MYLK: variants seen among roughly 807,000 people sequenced by gnomAD.
MYLK encodes myosin light chain kinase, smooth muscle.
Under a neutral mutation model 203.4 loss-of-function variants are expected in MYLK, and 106 were observed. That is an observed-to-expected ratio of 0.52 (90% CI 0.45 to 0.61). The LOEUF (loss-of-function observed/expected upper bound fraction) is 0.61. Among genes scored for constraint, MYLK ranks in the 20% least tolerant of loss-of-function variants. MYLK has a pLI of 0.00. For missense variants in MYLK, 2,072 were observed against 2,442.3 expected, an observed-to-expected ratio of 0.85 and a Z score of 3.20; for synonymous variants, 867 against 959.5, an observed-to-expected ratio of 0.90 and a Z score of 1.78.
chr3:123,732,927 C>G lies in MYLK; in HGVS notation c.1485G>C (p.Gln495His). The change falls in exon 11 of 34, where the codon CAG becomes CAC. Residue 495 changes from glutamine (Q) to histidine (H), a missense_variant. This residue lies in a region of MYLK where 683 missense variants were observed against 643.8 expected (regional missense o/e 1.06). Coordinates refer to ENST00000360304, the MANE Select transcript of MYLK (RefSeq NM_053025.4). ...CTTGGAGGGTCCAGCTACAGGACAGCTGGCCTTGGGCGTTGGAAGCAGTGC... is the reference window on the plus strand; with the variant it reads ...CTTGGAGGGTCCAGCTACAGGACAGGTGGCCTTGGGCGTTGGAAGCAGTGC... ...YSCTASNAQG[Q>H]LSCSWTLQVE... The G allele has an allele frequency of 6.2e-7, 1 of 1,614,168 alleles. No individual in the cohort carries two copies. Among genetic ancestry groups the G allele is most frequent in the South Asian group, 1.1e-5 (1 of 91,072 alleles).
intron 13 of MYLK, among the ~76,000 whole-genome samples, chr3:123,717,659 C>T (rs1019885880): frequency 2.6e-5 from 4 of 152,124 alleles, no homozygotes; most frequent in African/African-American, 9.7e-5. Flanking sequence ...TCAGTCCAAA[C>T]GCTGTGAAAT....
Position 123,638,235 on chromosome 3 carries a change from C to T in MYLK, c.4838-41G>A, listed in dbSNP as rs375744790. 59 of 1,612,580 alleles carry T rather than the reference C, an allele frequency of 3.7e-5. No individual in the cohort carries two copies. In the African/African-American group the frequency reaches 5.5e-4, roughly 15 times the overall value. ...AGAGGGATAAATTGCCAGCACATCA[C>T]GGAGCCAGCTTGAGACCAGCAGCTG... is the stretch of plus-strand genomic sequence containing the variant. On this transcript the variant is annotated intron_variant, in intron 28 of 33. Transcript: ENST00000360304.
At chr3:123,691,573 A>G (rs1282547829) in intron 19 of MYLK, 1 of 152,254 alleles carries the variant, frequency 6.6e-6, no homozygotes. Flanking sequence ...ATCATGTTCC[A>G]TAGAGCTCAG....
chr3:123,652,185 AG>A (rs2059237571), intron 24 of MYLK, among the ~76,000 whole-genome samples: 1 of 152,200 alleles, frequency 6.6e-6, no homozygotes, highest in Non-Finnish European at 1.5e-5. Context: ...AGAGAGAAGT[AG>A]AGGAAAGACC....
At chr3:123,878,985 C>T (rs1012304149) in intron 1 of MYLK, among the ~76,000 whole-genome samples, 4 of 152,200 alleles carry the variant, frequency 2.6e-5, no homozygotes, top group African/African-American at 7.2e-5. Flanking sequence ...GGTGCCCAGC[C>T]ACCACTTGGC....
At chr3:123,881,439 A>C (rs2033530518) in intron 1 of MYLK, among the ~76,000 whole-genome samples, 1 of 152,304 alleles carries the variant, frequency 6.6e-6, no homozygotes, top group African/African-American at 2.4e-5. Flanking sequence ...CATTTGCTGA[A>C]AAGACAGGAC....
Position 123,712,055 on chromosome 3 carries a change from G to A in MYLK, c.1805-2162C>T, listed in dbSNP as rs1460819218. ...AGCAGGTGCAGTTGAAGGGCATGGAGCCTGAGTGTGAGAGCAGGTAACCCC... is the reference window on the plus strand; with the variant it reads ...AGCAGGTGCAGTTGAAGGGCATGGAACCTGAGTGTGAGAGCAGGTAACCCC... On this transcript the variant is annotated intron_variant, in intron 13 of 33. Coordinates refer to ENST00000360304, the MANE Select transcript of MYLK (RefSeq NM_053025.4). Among the ~76,000 whole-genome samples, 8 of 152,232 alleles carry A rather than the reference G, an allele frequency of 5.3e-5. 1 individual carries two copies. The highest frequency in any genetic ancestry group is 1.2e-4 in the Non-Finnish European group (8 of 68,036).
intron 2 of MYLK, among the ~76,000 whole-genome samples, chr3:123,858,194 ACC>A (rs2031583386): frequency 6.6e-6 from 1 of 152,074 alleles, no homozygotes; most frequent in Non-Finnish European, 1.5e-5. Flanking sequence ...TTGTCCTTGG[ACC>A]TGAAGATGGT....
chr3:123,780,726 G>A (rs2064264059), intron 4 of MYLK, among the ~76,000 whole-genome samples: 1 of 152,198 alleles, frequency 6.6e-6, no homozygotes, highest in Non-Finnish European at 1.5e-5. Context: ...GCTGACTGCA[G>A]TGCCCTAGAG....
intron 2 of MYLK, among the ~76,000 whole-genome samples, chr3:123,851,417 C>T (rs1251628368): frequency 6.6e-6 from 1 of 152,150 alleles, no homozygotes; most frequent in South Asian, 2.1e-4. Flanking sequence ...TCTTTTATTT[C>T]GTTGAGCAGT....
chr3:123,700,225 A>G lies in MYLK; in HGVS notation c.3243T>C (p.His1081=). ...TCTTTTCATTATCTGTGGTCCCTGC[A>G]TGGCCTCTCTTGCAGTTCACATCAT... The part of the protein sequence containing the change: ...VKNDVNCKRG[H]AGTTDNEKRS... Residue 1081 remains histidine, a synonymous_variant, in exon 18 of 34, where the codon CAT becomes CAC. Coordinates refer to ENST00000360304, the MANE Select transcript of MYLK (RefSeq NM_053025.4). 1.2e-6 allele frequency: 2 copies of G among 1,613,718 alleles called. No homozygotes were observed. The highest frequency in any genetic ancestry group is 1.7e-5 in the Admixed American group (1 of 59,988).
At chr3:123,666,070 T>G (rs1576479554) in intron 22 of MYLK, 149 bp downstream of exon 22, 1 of 1,237,618 alleles carries the variant, frequency 8.1e-7, no homozygotes. Flanking sequence ...GTTTGGCAGG[T>G]GAGCGATGGG....
At chr3:123,883,282 G>A (rs2148736169) in intron 1 of MYLK, among the ~76,000 whole-genome samples, 1 of 151,996 alleles carries the variant, frequency 6.6e-6, no homozygotes, top group East Asian at 1.9e-4. Context: ...ACGGCCTGAG[G>A]TCTGGCATCA....
At chr3:123,663,709 G>A (rs976812139) in intron 23 of MYLK, among the ~76,000 whole-genome samples, 1 of 152,180 alleles carries the variant, frequency 6.6e-6, no homozygotes, top group Non-Finnish European at 1.5e-5. Flanking sequence ...AGAGCCTGGA[G>A]GGTGGAGTCA....
At chr3:123,660,223 C>T (rs995705157) in intron 23 of MYLK, among the ~76,000 whole-genome samples, 17 of 152,190 alleles carry the variant, frequency 1.1e-4, no homozygotes, top group African/African-American at 3.6e-4. Flanking sequence ...ACCCTCGCTC[C>T]AGGGCTCAAG....
intron 24 of MYLK, among the ~76,000 whole-genome samples, chr3:123,650,905 C>T (rs555614426): frequency 7.2e-5 from 11 of 152,344 alleles, no homozygotes; most frequent in African/African-American, 2.2e-4. Context: ...ACAGCAGCTC[C>T]TCAATCTACT....
Position 123,700,708 on chromosome 3 carries a change from G to C in MYLK, c.2760C>G (p.Ala920=), listed in dbSNP as rs368080781. ...LSEDDLKEIP[A]EQMDFRANLQ... ...GGTTGGCACGGAAATCCATCTGCTC[G>C]GCTGGGATCTCCTTCAGGTCGTCTT... The change falls in exon 18 of 34, where the codon GCC becomes GCG. Residue 920 remains alanine (A), a synonymous_variant. Transcript: ENST00000360304. 1.9e-6 allele frequency: 3 copies of C among 1,614,110 alleles called. No individual in the cohort carries two copies. The highest frequency in any genetic ancestry group is 2.5e-6 in the Non-Finnish European group (3 of 1,180,030).
chr3:123,761,610 G>A (rs888439546), intron 4 of MYLK, among the ~76,000 whole-genome samples: 14 of 152,134 alleles, frequency 9.2e-5, no homozygotes, highest in African/African-American at 3.4e-4. Flanking sequence ...GTCCCAAGCT[G>A]CCCAAAGGCA....
At chr3:123,878,366 G>C (rs72974244) in intron 1 of MYLK, among the ~76,000 whole-genome samples, 2,103 of 152,242 alleles carry the variant, frequency 0.014, 38 homozygotes, top group African/African-American at 0.046. Flanking sequence ...GCATCTTCCT[G>C]GTGTTTCCCA....
Sources: gnomAD v4.1 joint callset for allele counts (sites outside exome capture counted in the v4.1 genomes callset) on GRCh38, gnomAD v4.1.1 for gene constraint, gnomAD v4.1.1 regional missense constraint, MANE v1.5 for transcripts, NCBI Gene and HGNC (gene_info 2026-07-23, HGNC 2026-07-21) for gene names.